The following SEMA3D variants were observed in gnomAD, a reference collection of about 807,000 sequenced individuals.
SEMA3D encodes the protein semaphorin-3D.
In SEMA3D, 84 loss-of-function variants were observed where a neutral mutation model predicts 100.1. The ratio of observed to expected loss-of-function variants is 0.84; its 90% CI spans 0.70 to 1.01. The LOEUF (loss-of-function observed/expected upper bound fraction) is 1.01. Among genes scored for constraint, SEMA3D ranks in the 50% least tolerant of loss-of-function variants. The pLI is 0.00. For synonymous variants in SEMA3D, 312 were observed against 320.7 expected, an observed-to-expected ratio of 0.97 and a Z score of 0.29; for missense variants, 875 against 934.1, an observed-to-expected ratio of 0.94 and a Z score of 0.82.
At chr7:85,229,279 G>A in the SEMA3D span, among the ~76,000 whole-genome samples, 5 of 151,744 alleles carry the variant, frequency 3.3e-5, no homozygotes, top group Admixed American at 1.3e-4. Flanking sequence ...ATATCATCTC[G>A]CTCAGAGTAC....
At position 84,996,498 on chromosome 7, in the gene SEMA3D, G is replaced by T. The variant is rs973469442; in HGVS notation, c.*2942C>A. Reference sequence around the variant, plus strand: ...TTCCATTTCTTAAGTAATTTGGTTGGTTTCCAAAAGTCAATAATGTGGATG... The same window carrying T: ...TTCCATTTCTTAAGTAATTTGGTTGTTTTCCAAAAGTCAATAATGTGGATG... On this transcript the variant is annotated 3_prime_UTR_variant, in exon 19 of 19. Coordinates refer to ENST00000284136, the MANE Select transcript of SEMA3D (RefSeq NM_001384900.1). 2 of 151,996 alleles carry T rather than the reference G, an allele frequency of 1.3e-5. No homozygotes were observed. Among genetic ancestry groups the T allele is most frequent in the African/African-American group, 4.8e-5 (2 of 41,420 alleles). The allele number at this position is 151,996 out of a possible 1,614,324, so 9.4% of individuals were successfully genotyped here.
the SEMA3D span, among the ~76,000 whole-genome samples, chr7:85,222,319 C>T: frequency 6.6e-6 from 1 of 151,636 alleles, no homozygotes; most frequent in African/African-American, 2.4e-5. Context: ...AAAATCCAAG[C>T]TGGGTGTCTG....
intron 2 of SEMA3D, chr7:85,140,689 A>G (rs1790021969): frequency 2.0e-6 from 2 of 980,732 alleles, no homozygotes; most frequent in African/African-American, 1.7e-5. Flanking sequence ...TCTGTTAAGG[A>G]GTCATTATTA....
the SEMA3D span, among the ~76,000 whole-genome samples, chr7:85,204,784 A>T: frequency 0.67 from 101,764 of 151,790 alleles, 34,934 homozygotes; most frequent in East Asian, 0.92. Flanking sequence ...CTTGCATCCT[A>T]TTTTTCCTAT....
the SEMA3D span, among the ~76,000 whole-genome samples, chr7:85,217,148 A>T: frequency 2.0e-5 from 3 of 152,108 alleles, no homozygotes; most frequent in East Asian, 5.8e-4. Flanking sequence ...CATCTTTATT[A>T]TTTTCTACTT....
In SEMA3D at chr7:85,086,630, CCG is replaced by C. The variant is rs1491430440; in HGVS notation, c.313-5053_313-5052del. Among the ~76,000 whole-genome samples, 306 of 144,190 alleles carry C rather than the reference CCG, an allele frequency of 2.1e-3. 2 individuals are homozygous for C. Among genetic ancestry groups the C allele is most frequent in the African/African-American group, 8.0e-3 (286 of 35,606 alleles). The allele number at this position is 144,190 out of a possible 152,430, so 94.6% of individuals were successfully genotyped here. A position where few individuals can be genotyped will look rare whatever the true frequency, so the allele number is the denominator to read the frequency against. The stretch of plus-strand genomic sequence containing the variant: ...CTAGTCTCTTTCTCTCTCTCTCTCT[CCG>C]TGTGTGTGTGTGTGTGTGTGTGTGT... On this transcript the variant is annotated intron_variant, in intron 4 of 18. Transcript: ENST00000284136.
chr7:85,138,648 T>TA (rs1789937944), intron 2 of SEMA3D, among the ~76,000 whole-genome samples: 1 of 97,674 alleles, frequency 1.0e-5, no homozygotes, highest in African/African-American at 5.9e-5. Context: ...TTATATATAT[T>TA]TAATTTAATA....
chr7:85,050,507 A>C, intron 9 of SEMA3D: 1 of 324,684 alleles, frequency 3.1e-6, no homozygotes, highest in Non-Finnish European at 5.6e-6. Context: ...GTATAATTAT[A>C]AACATATTAA....
At chr7:85,159,842 ATAG>A (rs1213786716) in intron 1 of SEMA3D, 1 of 984,822 alleles carries the variant, frequency 1.0e-6, no homozygotes, top group African/African-American at 1.7e-5. Context: ...TGTCCTGCAG[ATAG>A]TAGGATTTCA....
At chr7:85,231,100 T>A in the SEMA3D span, among the ~76,000 whole-genome samples, 1 of 152,212 alleles carries the variant, frequency 6.6e-6, no homozygotes, top group Admixed American at 6.5e-5. Flanking sequence ...GACTGTTTTT[T>A]GTTTTTATTT....
At chr7:85,160,396 A>G (rs1790714652) in intron 1 of SEMA3D, among the ~76,000 whole-genome samples, 1 of 152,130 alleles carries the variant, frequency 6.6e-6, no homozygotes, top group Non-Finnish European at 1.5e-5. Flanking sequence ...AGGCAGAATG[A>G]GTAAAATAAA....
intron 2 of SEMA3D, among the ~76,000 whole-genome samples, chr7:85,132,175 CAT>C (rs1435652114): frequency 1.3e-5 from 2 of 151,822 alleles, no homozygotes; most frequent in Non-Finnish European, 1.5e-5. Context: ...GCTTATAAAA[CAT>C]AGTTTTGATC....
chr7:85,096,313 G>C (rs955481918), intron 4 of SEMA3D, among the ~76,000 whole-genome samples: 2 of 151,846 alleles, frequency 1.3e-5, no homozygotes, highest in South Asian at 2.1e-4. Context: ...AAATGGAATG[G>C]AGCTATAATT....
chr7:85,020,941 T>C (rs2115843693), intron 13 of SEMA3D, among the ~76,000 whole-genome samples: 1 of 151,574 alleles, frequency 6.6e-6, no homozygotes, highest in African/African-American at 2.4e-5. Context: ...AACCAAAAAT[T>C]GACATTTAAA....
the SEMA3D span, among the ~76,000 whole-genome samples, chr7:85,204,840 C>A: frequency 6.6e-6 from 1 of 152,036 alleles, no homozygotes; most frequent in Admixed American, 6.6e-5. Context: ...AGAACTCCAA[C>A]ACACCATTAC....
At chr7:85,153,086 C>T (rs1372652380) in intron 2 of SEMA3D, among the ~76,000 whole-genome samples, 1 of 152,066 alleles carries the variant, frequency 6.6e-6, no homozygotes, top group Non-Finnish European at 1.5e-5. Flanking sequence ...TCTCATATGC[C>T]AACGTGTGCA....
intron 2 of SEMA3D, among the ~76,000 whole-genome samples, chr7:85,143,860 G>A (rs1240575022): frequency 2.6e-5 from 4 of 151,566 alleles, no homozygotes; most frequent in Admixed American, 6.6e-5. Flanking sequence ...ACAGGCATGC[G>A]CCACCACACC....
chr7:85,010,337 G>T (rs915028429), intron 17 of SEMA3D, among the ~76,000 whole-genome samples: 14 of 151,832 alleles, frequency 9.2e-5, no homozygotes, highest in African/African-American at 3.4e-4. Context: ...ATTGAAAAAT[G>T]TTGAGTAAGG....
At chr7:85,187,317 T>C (rs1482416343), upstream of SEMA3D, among the ~76,000 whole-genome samples, 1 of 152,346 alleles carries the variant, frequency 6.6e-6, no homozygotes, top group East Asian at 1.9e-4. Context: ...GGGACTTCTT[T>C]AGTTCCTTCT....
Sources: allele counts gnomAD v4.1 joint callset (sites outside exome capture counted in the v4.1 genomes callset), GRCh38; gene constraint gnomAD v4.1.1; transcripts MANE v1.5; gene names NCBI Gene and HGNC (gene_info 2026-07-23, HGNC 2026-07-21).